Variants in ST14 observed in about 807,000 individuals in gnomAD.
The protein encoded by ST14 is suppressor of tumorigenicity 14 protein.
A neutral mutation model predicts 96.5 loss-of-function variants in ST14; 40 were observed. That is an observed-to-expected ratio of 0.41 (90% confidence interval 0.32 to 0.54). The LOEUF (loss-of-function observed/expected upper bound fraction) is 0.54. Among genes scored for constraint, ST14 ranks in the 20% least tolerant of loss-of-function variants. ST14 has a pLI of 0.17. For missense variants in ST14, 1,066 were observed against 1,188.9 expected (o/e 0.90, Z 1.52); for synonymous variants, 506 against 492.1 (o/e 1.03, Z -0.37).
At position 130,210,050 on chromosome 11, in the gene ST14, C is replaced by T; in HGVS notation, c.*227C>T. ...GGGAGGACACTGGTGGTTCTACTGA[C>T]CCAACTGGGGGCAAAGGTTTGAAGA... is the stretch of plus-strand genomic sequence containing the variant. On this transcript the variant is annotated 3_prime_UTR_variant, in exon 19 of 19. Coordinates refer to ENST00000278742, the MANE Select transcript of ST14 (RefSeq NM_021978.4). The T allele has an allele frequency of 1.7e-6, 1 of 596,644 alleles. No individual in the cohort carries two copies. The highest frequency in any genetic ancestry group is 2.9e-6 in the Non-Finnish European group (1 of 346,182). The allele number at this position is 596,644 out of a possible 1,614,324, so 37.0% of individuals were successfully genotyped here.
chr11:130,200,555 G>A (rs1016178912), intron 16 of ST14, among the ~76,000 whole-genome samples: 1 of 152,186 alleles, frequency 6.6e-6, no homozygotes, highest in African/African-American at 2.4e-5. Context: ...TGAGGGAACC[G>A]TGACCAAAAC....
chr11:130,209,398 C>G, intron 17 of ST14, 44 bp from the exon 18 acceptor site: 1 of 1,558,288 alleles, frequency 6.4e-7, no homozygotes, highest in Non-Finnish European at 8.7e-7. Context: ...TGACGCTGCC[C>G]TCGAAGCAGC....
chr11:130,205,698 C>CT (rs1565629180), intron 16 of ST14, among the ~76,000 whole-genome samples: 1 of 120,824 alleles, frequency 8.3e-6, no homozygotes, highest in Non-Finnish European at 1.7e-5. Context: ...CTTCTTTAGA[C>CT]GTTTTTTTTT....
At chr11:130,193,079 AGC>A (rs1953320891) in intron 7 of ST14, among the ~76,000 whole-genome samples, 1 of 150,948 alleles carries the variant, frequency 6.6e-6, no homozygotes, top group African/African-American at 2.4e-5. Context: ...TAGATTTAAA[AGC>A]ACCGAGAACC....
rs533187706 is a variant in ST14 at position 130,196,556 on chromosome 11, C to G, written c.1224-14C>G. ...AGCTGTCCCTCCTCACCTTGTGCCC[C>G]GCCCCCCCTCCAGATACTGCGGAGA... On this transcript the variant is annotated splice_polypyrimidine_tract_variant and intron_variant, in intron 10 of 18. Coordinates refer to ENST00000278742, the MANE Select transcript of ST14 (RefSeq NM_021978.4). The G allele has an allele frequency of 2.0e-6, 3 of 1,491,104 alleles. No homozygotes were observed. The highest frequency in any genetic ancestry group is 1.2e-5 in the South Asian group (1 of 86,578). 92.4% of individuals were successfully genotyped at this position (1,491,104 alleles called of 1,614,324 possible).
chr11:130,183,778 T>C (rs1953214656), intron 1 of ST14, among the ~76,000 whole-genome samples: 1 of 152,226 alleles, frequency 6.6e-6, no homozygotes, highest in Admixed American at 6.5e-5. Context: ...TGTCTTTTAG[T>C]TTTAGTTTCC....
intron 1 of ST14, among the ~76,000 whole-genome samples, chr11:130,180,305 A>G (rs1240984284): frequency 1.3e-5 from 2 of 152,200 alleles, no homozygotes; most frequent in African/African-American, 4.8e-5. Flanking sequence ...CCAGGATTCC[A>G]AGGGGCCTCT....
chr11:130,168,457 C>T (rs139966607), intron 1 of ST14, among the ~76,000 whole-genome samples: 1 of 152,322 alleles, frequency 6.6e-6, no homozygotes, highest in East Asian at 1.9e-4. Flanking sequence ...TCCACTGGAG[C>T]GTCTCCTGAG....
Position 130,189,312 on chromosome 11 carries a change from T to TA in ST14, c.440+380dup, listed in dbSNP as rs535602646. The TA allele has an allele frequency of 2.9e-3, 1,298 of 449,264 alleles. 2 individuals carry two copies. The highest frequency in any genetic ancestry group is 0.011 in the African/African-American group (581 of 50,866). 27.8% of individuals were successfully genotyped at this position (449,264 alleles called of 1,614,324 possible). A position where few individuals can be genotyped will look rare whatever the true frequency, so the allele number is the denominator to read the frequency against. ...GAGCAGTTTTTCACGCATACTTTTGTAAAAAAATAGACTTTATTCTCAAAG... is the reference window on the plus strand; with the variant it reads ...GAGCAGTTTTTCACGCATACTTTTGTAAAAAAAATAGACTTTATTCTCAAAG... On this transcript the variant is annotated intron_variant, in intron 4 of 18. Coordinates refer to ENST00000278742, the MANE Select transcript of ST14 (RefSeq NM_021978.4).
intron 16 of ST14, among the ~76,000 whole-genome samples, chr11:130,202,359 A>G (rs1953437526): frequency 6.6e-6 from 1 of 152,244 alleles, no homozygotes; most frequent in Non-Finnish European, 1.5e-5. Flanking sequence ...ATTGTGGGTC[A>G]CAGACTTGTA....
rs1047244333 is a variant in ST14 at position 130,194,528 on chromosome 11, A to G, written c.1016-112A>G. 2.5e-6 allele frequency: 3 copies of G among 1,219,674 alleles called. No homozygotes were observed. The African/African-American group carries it at 4.5e-5, about 18-fold the overall frequency. 75.6% of individuals were successfully genotyped at this position (1,219,674 alleles called of 1,614,324 possible). ...CTTCCTGGCTGTGCACCTGCTGTGC[A>G]GCATCCACGCGTCCAGGAGGCAGCT... On this transcript the variant is annotated intron_variant, in intron 8 of 18. Coordinates refer to ENST00000278742, the MANE Select transcript of ST14 (RefSeq NM_021978.4).
At chr11:130,186,823 TG>T (rs1953242540) in intron 1 of ST14, among the ~76,000 whole-genome samples, 1 of 152,198 alleles carries the variant, frequency 6.6e-6, no homozygotes, top group Non-Finnish European at 1.5e-5. Context: ...ATTATGGCGT[TG>T]GCATATTATT....
intron 17 of ST14, 125 bp from the exon 18 acceptor site, chr11:130,209,317 G>A (rs1363826385): frequency 1.2e-5 from 16 of 1,315,268 alleles, no homozygotes; most frequent in Non-Finnish European, 1.5e-5. Flanking sequence ...CGGATTACCC[G>A]TTTGTCAGCC....
intron 1 of ST14, among the ~76,000 whole-genome samples, chr11:130,172,061 A>G (rs1953096795): frequency 6.6e-6 from 1 of 151,968 alleles, no homozygotes; most frequent in Non-Finnish European, 1.5e-5. Context: ...TAAGACAGCC[A>G]TTTCAAGCTG....
rs372402618 is a variant in ST14, at chr11:130,194,019, T to G, written c.876-130T>G. 1,628 of 1,182,134 alleles carry G rather than the reference T, an allele frequency of 1.4e-3. 2 individuals carry two copies. Among genetic ancestry groups the G allele is most frequent in the Non-Finnish European group, 1.6e-3 (1,291 of 792,978 alleles). 73.2% of individuals were successfully genotyped at this position (1,182,134 alleles called of 1,614,324 possible). A position where few individuals can be genotyped will look rare whatever the true frequency, so the allele number is the denominator to read the frequency against. On this transcript the variant is annotated intron_variant, in intron 7 of 18. Coordinates refer to ENST00000278742, the MANE Select transcript of ST14 (RefSeq NM_021978.4). ...AATGAAGGTCTTTTTGACTCCATTC[T>G]TGGCCTCTGTGGATGGGACCAGAGT...
At chr11:130,205,310 T>G (rs1270541251) in intron 16 of ST14, among the ~76,000 whole-genome samples, 2 of 152,262 alleles carry the variant, frequency 1.3e-5, no homozygotes, top group Non-Finnish European at 2.9e-5. Context: ...GTATTTTTAG[T>G]GGAGATGGGG....
intron 1 of ST14, among the ~76,000 whole-genome samples, chr11:130,175,875 C>G (rs1953132640): frequency 6.6e-6 from 1 of 151,878 alleles, no homozygotes; most frequent in African/African-American, 2.4e-5. Context: ...GTTGGCCAGG[C>G]TGGTTTCAAA....
chr11:130,184,759 T>C (rs1953222934), intron 1 of ST14, among the ~76,000 whole-genome samples: 1 of 152,156 alleles, frequency 6.6e-6, no homozygotes, highest in Non-Finnish European at 1.5e-5. Context: ...ATATGTGGGC[T>C]TGAGAACCCC....
rs951566005 is a variant in ST14 at position 130,188,657 on chromosome 11, G to C, written c.369G>C (p.Ala123=). Residue 123 remains alanine, a splice_region_variant and synonymous_variant, in exon 3 of 19, where the codon GCG becomes GCC. Transcript: ENST00000278742. The surrounding 1 kb of genome is among the most constrained non-coding windows in gnomAD (Gnocchi z 5.4). ...GCCTGGCCAGCAAGGTGAAGGACGC[G>C]GTGAGTGCAGCCTGCCCAGAGTCCT... ...FVSLASKVKD[A]LKLLYSGVPF... 6.2e-7 allele frequency: 1 copy of C among 1,614,182 alleles called. No homozygotes were observed. Among genetic ancestry groups the C allele is most frequent in the Non-Finnish European group, 8.5e-7 (1 of 1,180,036 alleles).
Sources: gnomAD v4.1 joint callset for allele counts (sites outside exome capture counted in the v4.1 genomes callset) on GRCh38, gnomAD v4.1.1 for gene constraint, Gnocchi (gnomAD v3.1) non-coding constraint, MANE v1.5 for transcripts, NCBI Gene and HGNC (gene_info 2026-07-23, HGNC 2026-07-21) for gene names.